Variants in CADM1 observed in about 807,000 individuals in gnomAD.
The protein encoded by CADM1 is cell adhesion molecule 1.
Under a neutral mutation model 53.1 loss-of-function variants are expected in CADM1, and 15 were observed. The ratio of observed to expected loss-of-function variants is 0.28; its 90% confidence interval spans 0.19 to 0.44. CADM1 has a LOEUF of 0.44. Ranked by LOEUF, CADM1 falls within the 20% of genes least tolerant of loss-of-function variation. CADM1 has a pLI of 1.00. For missense variants in CADM1, 434 were observed against 611.3 expected (o/e 0.71, Z 3.06); for synonymous variants, 281 against 243.0 (o/e 1.16, Z -1.45).
At chr11:115,245,861 CCTAT>C (rs1223817927) in intron 1 of CADM1, among the ~76,000 whole-genome samples, 1 of 152,180 alleles carries the variant, frequency 6.6e-6, no homozygotes, top group Non-Finnish European at 1.5e-5. Context: ...AAGACTCAAT[CCTAT>C]CTTTCAATTC....
At chr11:115,335,032 C>T (rs953953945) in intron 1 of CADM1, among the ~76,000 whole-genome samples, 4 of 152,064 alleles carry the variant, frequency 2.6e-5, no homozygotes, top group Non-Finnish European at 5.9e-5. Context: ...CATTAGAAAT[C>T]ACTCCAAGTC....
At chr11:115,450,243 C>T (rs946907241) in intron 1 of CADM1, among the ~76,000 whole-genome samples, 1 of 152,076 alleles carries the variant, frequency 6.6e-6, no homozygotes, top group Non-Finnish European at 1.5e-5. Flanking sequence ...ACAAGAGCAC[C>T]AATCATAAAA....
chr11:115,474,710 AG>A (rs1161317428), intron 1 of CADM1, among the ~76,000 whole-genome samples: 5 of 81,190 alleles, frequency 6.2e-5, no homozygotes, highest in African/African-American at 2.5e-4. Flanking sequence ...GGGTGGGGGG[AG>A]GGGGGAGGGA....
intron 1 of CADM1, among the ~76,000 whole-genome samples, chr11:115,242,558 A>G (rs781004525): frequency 3.9e-5 from 6 of 152,140 alleles, no homozygotes; most frequent in Non-Finnish European, 8.8e-5. Flanking sequence ...GCCTCAGGTA[A>G]TGCGCGATCT....
At chr11:115,389,890 A>AG (rs1380174112) in intron 1 of CADM1, among the ~76,000 whole-genome samples, 1 of 152,190 alleles carries the variant, frequency 6.6e-6, no homozygotes, top group Non-Finnish European at 1.5e-5. Flanking sequence ...ATCTTCAGGA[A>AG]CACCTGTTAT....
intron 1 of CADM1, among the ~76,000 whole-genome samples, chr11:115,293,547 C>A (rs4938196): frequency 3.3e-5 from 5 of 152,100 alleles, no homozygotes; most frequent in Non-Finnish European, 7.4e-5. Context: ...AACAAAAAAC[C>A]CAACTTGTAA....
At chr11:115,224,392 G>A (rs1294219153) in intron 5 of CADM1, among the ~76,000 whole-genome samples, 1 of 152,006 alleles carries the variant, frequency 6.6e-6, no homozygotes, top group East Asian at 1.9e-4. Flanking sequence ...TGAAAATGAT[G>A]CCCACGTATA....
Position 115,169,711 on chromosome 11 carries a change from T to C in CADM1, c.*6763A>G. 2.2e-6 allele frequency: 1 copy of C among 445,074 alleles called. No individual in the cohort carries two copies. Among genetic ancestry groups the C allele is most frequent in the South Asian group, 1.6e-5 (1 of 62,204 alleles). The allele number at this position is 445,074 out of a possible 1,614,324, so 27.6% of individuals were successfully genotyped here. ...AACAGAGACTGATTAGTGCAGAAGATTCCCTTCCATAGCAATACTTTTTAA... is the reference window on the plus strand; with the variant it reads ...AACAGAGACTGATTAGTGCAGAAGACTCCCTTCCATAGCAATACTTTTTAA... On this transcript the variant is annotated 3_prime_UTR_variant, in exon 12 of 12. Transcript: ENST00000331581.
intron 1 of CADM1, among the ~76,000 whole-genome samples, chr11:115,453,587 C>T (rs1405976060): frequency 6.6e-6 from 1 of 152,058 alleles, no homozygotes; most frequent in Non-Finnish European, 1.5e-5. Flanking sequence ...AAACCTCCAC[C>T]TCCCAGGATC....
chr11:115,464,509 C>T (rs1323497724), intron 1 of CADM1, among the ~76,000 whole-genome samples: 1 of 152,206 alleles, frequency 6.6e-6, no homozygotes, highest in Non-Finnish European at 1.5e-5. Context: ...CCACAATCCA[C>T]ATCTGCAGTC....
At chr11:115,379,617 G>A (rs1946524908) in intron 1 of CADM1, among the ~76,000 whole-genome samples, 1 of 152,188 alleles carries the variant, frequency 6.6e-6, no homozygotes, top group African/African-American at 2.4e-5. Context: ...AACAGGGAAG[G>A]GGTGGTGATT....
intron 7 of CADM1, among the ~76,000 whole-genome samples, chr11:115,212,002 G>A (rs1342973749): frequency 6.6e-6 from 1 of 152,160 alleles, no homozygotes; most frequent in African/African-American, 2.4e-5. Flanking sequence ...CACGACTGGG[G>A]CAACTGTTGT....
At chr11:115,287,604 C>A (rs1702011882) in intron 1 of CADM1, 1 of 152,226 alleles carries the variant, frequency 6.6e-6, no homozygotes. Flanking sequence ...TTTTGCTTAA[C>A]AGTTCTTTGG....
intron 11 of CADM1, among the ~76,000 whole-genome samples, 157 bp downstream of exon 11, chr11:115,178,487 T>G (rs1407647597): frequency 6.7e-6 from 1 of 148,536 alleles, no homozygotes; most frequent in Admixed American, 6.6e-5. Context: ...GGTTTTGTTT[T>G]TTTTTTTTTT....
At chr11:115,221,524 A>C (rs1277121942) in intron 5 of CADM1, among the ~76,000 whole-genome samples, 1 of 152,200 alleles carries the variant, frequency 6.6e-6, no homozygotes, top group Non-Finnish European at 1.5e-5. Flanking sequence ...TAAAGGGAAA[A>C]AATATATAAA....
At chr11:115,309,462 A>G (rs1944475202) in intron 1 of CADM1, among the ~76,000 whole-genome samples, 1 of 152,142 alleles carries the variant, frequency 6.6e-6, no homozygotes, top group Admixed American at 6.6e-5. Flanking sequence ...AAAACGGTTC[A>G]TTTTCTTTGA....
intron 1 of CADM1, among the ~76,000 whole-genome samples, chr11:115,274,726 T>C (rs978147314): frequency 1.3e-5 from 2 of 152,262 alleles, no homozygotes; most frequent in Non-Finnish European, 2.9e-5. Flanking sequence ...AACTTCATTA[T>C]ATCTTTCTTT....
chr11:115,184,333 G>A (rs374274877), intron 10 of CADM1, among the ~76,000 whole-genome samples: 1 of 152,146 alleles, frequency 6.6e-6, no homozygotes, highest in Non-Finnish European at 1.5e-5. Context: ...CTTTATTACT[G>A]AAGGGGAACA....
At chr11:115,480,857 C>T (rs1288876639) in intron 1 of CADM1, among the ~76,000 whole-genome samples, 1 of 152,100 alleles carries the variant, frequency 6.6e-6, no homozygotes, top group Non-Finnish European at 1.5e-5. Flanking sequence ...TACATCCACC[C>T]TCCTTCTTAA....
Sources: allele counts gnomAD v4.1 joint callset (sites outside exome capture counted in the v4.1 genomes callset), GRCh38; gene constraint gnomAD v4.1.1; transcripts MANE v1.5; gene names NCBI Gene and HGNC (gene_info 2026-07-23, HGNC 2026-07-21).